TMEM164: variants seen among roughly 807,000 people sequenced by gnomAD.
The protein encoded by TMEM164 is transmembrane protein 164.
In TMEM164, 4 loss-of-function variants were observed where a neutral mutation model predicts 18.8. The observed-to-expected ratio is 0.21, with a 90% CI of 0.10 to 0.49. The LOEUF (loss-of-function observed/expected upper bound fraction) is 0.49, where lower values mean the gene tolerates loss of function less well. Among genes scored for constraint, TMEM164 ranks in the 20% least tolerant of loss-of-function variants. TMEM164 has a pLI of 0.98. For missense variants in TMEM164, 108 were observed against 239.9 expected, an observed-to-expected ratio of 0.45 and a Z score of 3.63; for synonymous variants, 86 against 101.7, an observed-to-expected ratio of 0.85 and a Z score of 0.93.
At chrX:110,061,355 G>A (rs1388527409) in intron 2 of TMEM164, among the ~76,000 whole-genome samples, 1 of 112,171 alleles carries the variant, frequency 8.9e-6, no homozygotes, top group Non-Finnish European at 1.9e-5. Flanking sequence ...CAGAGTGCTG[G>A]TGAGTGGCAG....
rs899418808 is a variant in TMEM164 at position 110,175,227 on chromosome X, C to T, written c.*1776C>T. 1.5e-4 allele frequency: 17 copies of T among 113,100 alleles called. No individual in the cohort carries two copies. The highest frequency in any genetic ancestry group is 5.1e-4 in the African/African-American group (16 of 31,157). The allele number at this position is 113,100 out of a possible 1,213,427, so 9.3% of individuals were successfully genotyped here. A position where few individuals can be genotyped will look rare whatever the true frequency, so the allele number is the denominator to read the frequency against. On this transcript the variant is annotated 3_prime_UTR_variant, in exon 7 of 7. Transcript: ENST00000372068. ...TGCTCCTTGAATGGCTGGATTGGCC[C>T]TGCCCACCGTCAAACTGCTACATGT...
At chrX:110,154,649 G>T (rs1426057765) in intron 5 of TMEM164, among the ~76,000 whole-genome samples, 1 of 111,613 alleles carries the variant, frequency 9.0e-6, no homozygotes, top group East Asian at 2.8e-4. Context: ...GGAACTCCTG[G>T]CCTCAAGTGA....
At chrX:110,139,950 C>A (rs1352563894) in intron 4 of TMEM164, among the ~76,000 whole-genome samples, 1 of 110,885 alleles carries the variant, frequency 9.0e-6, no homozygotes, top group African/African-American at 3.3e-5. Context: ...GAGATCACAG[C>A]CATTAACAGT....
intron 3 of TMEM164, among the ~76,000 whole-genome samples, chrX:110,083,221 G>A (rs981909761): frequency 1.8e-5 from 2 of 111,355 alleles, no homozygotes; most frequent in Admixed American, 9.5e-5. Flanking sequence ...TATTTAACTT[G>A]TCAGTCCATC....
intron 2 of TMEM164, among the ~76,000 whole-genome samples, chrX:110,038,468 GA>G (rs764267883): frequency 5.4e-5 from 6 of 111,043 alleles, no homozygotes; most frequent in Non-Finnish European, 1.9e-5. Flanking sequence ...TCCCTTTTGG[GA>G]AAACATGCTC....
At chrX:110,051,345 A>G (rs758380942) in intron 2 of TMEM164, among the ~76,000 whole-genome samples, 36 of 111,008 alleles carry the variant, frequency 3.2e-4, no homozygotes, top group Non-Finnish European at 6.2e-4. Flanking sequence ...TTTATGAAAC[A>G]ATAAACTGCC....
intron 2 of TMEM164, among the ~76,000 whole-genome samples, chrX:110,052,082 A>T (rs1935587152): frequency 9.1e-6 from 1 of 109,708 alleles, no homozygotes; most frequent in African/African-American, 3.3e-5. Context: ...CAATGTTTGT[A>T]TTTTTTTTTC....
chrX:110,091,292 C>T (rs1226055347), intron 3 of TMEM164, among the ~76,000 whole-genome samples: 4 of 112,220 alleles, frequency 3.6e-5, no homozygotes, highest in East Asian at 2.8e-4. Context: ...CACAGTCTTC[C>T]GCAATGGTTG....
chrX:110,165,926 A>G (rs1269720927), intron 5 of TMEM164, among the ~76,000 whole-genome samples: 1 of 112,414 alleles, frequency 8.9e-6, no homozygotes, highest in East Asian at 2.8e-4. Flanking sequence ...AGAGCAGTCT[A>G]GGTAGCTGAA....
At chrX:110,145,025 A>T (rs901361023) in intron 5 of TMEM164, 149 bp downstream of exon 5, 5 of 439,288 alleles carry the variant, frequency 1.1e-5, no homozygotes, top group Non-Finnish European at 1.9e-5. Context: ...GGGCACCAGG[A>T]AGTGGGGAGA....
intron 4 of TMEM164, among the ~76,000 whole-genome samples, chrX:110,135,418 G>T (rs2066676521): frequency 1.8e-5 from 2 of 111,209 alleles, no homozygotes; most frequent in Non-Finnish European, 3.8e-5. Flanking sequence ...CAAATTTTTT[G>T]TAATTATAAA....
chrX:110,125,722 C>T (rs1279436757), intron 4 of TMEM164, among the ~76,000 whole-genome samples: 1 of 112,353 alleles, frequency 8.9e-6, no homozygotes, highest in African/African-American at 3.2e-5. Flanking sequence ...AGAAACATTC[C>T]CATTGTTCAG....
At chrX:110,107,778 G>A (rs2066228527) in intron 3 of TMEM164, among the ~76,000 whole-genome samples, 1 of 108,341 alleles carries the variant, frequency 9.2e-6, no homozygotes, top group East Asian at 2.9e-4. Context: ...TTGTGCCTCA[G>A]CCTCCCGAGT....
At chrX:110,069,935 C>A (rs2065560924) in intron 3 of TMEM164, among the ~76,000 whole-genome samples, 1 of 111,779 alleles carries the variant, frequency 8.9e-6, no homozygotes, top group Admixed American at 9.6e-5. Context: ...ATGCTAGGAT[C>A]TACTTATGGA....
At chrX:110,046,098 G>A (rs1935306408) in intron 2 of TMEM164, 1 of 754,504 alleles carries the variant, frequency 1.3e-6, no homozygotes, top group Non-Finnish European at 1.6e-6. Flanking sequence ...TTACATTTAA[G>A]GCTGACATGA....
intron 2 of TMEM164, among the ~76,000 whole-genome samples, chrX:110,026,779 G>T (rs60520874): frequency 1.8e-5 from 2 of 111,637 alleles, no homozygotes; most frequent in African/African-American, 3.3e-5. Flanking sequence ...CCAACTGCTT[G>T]GTTGAGTCTC....
At chrX:110,006,698 A>G (rs1483445077) in intron 2 of TMEM164, among the ~76,000 whole-genome samples, 1 of 112,544 alleles carries the variant, frequency 8.9e-6, no homozygotes, top group African/African-American at 3.2e-5. Flanking sequence ...CCTTGCATTT[A>G]TCTAACAATT....
At position 110,176,068 on chromosome X, in the gene TMEM164, C is replaced by A. The variant is rs1182403290; in HGVS notation, c.*2617C>A. 1 of 755,386 alleles carries A rather than the reference C, an allele frequency of 1.3e-6. No individual in the cohort carries two copies. Among genetic ancestry groups the A allele is most frequent in the Non-Finnish European group, 1.6e-6 (1 of 639,543 alleles). 62.3% of individuals were successfully genotyped at this position (755,386 alleles called of 1,213,427 possible). ...TTCCTGTCAGTGCCAAGCCAGTTCCCCAGCCAGGTTTCCGTGTGCCATTTG... is the reference window on the plus strand; with the variant it reads ...TTCCTGTCAGTGCCAAGCCAGTTCCACAGCCAGGTTTCCGTGTGCCATTTG... On this transcript the variant is annotated 3_prime_UTR_variant, in exon 7 of 7. Transcript: ENST00000372068.
intron 5 of TMEM164, among the ~76,000 whole-genome samples, chrX:110,154,445 A>G: frequency 9.0e-6 from 1 of 110,808 alleles, no homozygotes; most frequent in East Asian, 2.8e-4. Flanking sequence ...TTTGAGACAG[A>G]TACTCACTGT....
Sources: allele counts gnomAD v4.1 joint callset (sites outside exome capture counted in the v4.1 genomes callset), GRCh38; gene constraint gnomAD v4.1.1; transcripts MANE v1.5; gene names NCBI Gene and HGNC (gene_info 2026-07-23, HGNC 2026-07-21).